The following MAST4 variants were observed in gnomAD, a reference collection of about 807,000 sequenced individuals.
MAST4 encodes the protein microtubule-associated serine/threonine-protein kinase 4.
A neutral mutation model predicts 162.7 loss-of-function variants in MAST4; 89 were observed. The observed-to-expected ratio is 0.55, with a 90% CI of 0.46 to 0.65. The LOEUF (loss-of-function observed/expected upper bound fraction) is 0.65. MAST4 is among the 30% of genes least tolerant of loss of function. The probability of loss-of-function intolerance (pLI) is 0.00; values close to 1 mark genes in which losing one functional copy is unlikely to be tolerated. For missense variants in MAST4, 3,153 were observed against 3,374.0 expected (o/e 0.93, Z 1.62); for synonymous variants, 1,479 against 1,361.1 (o/e 1.09, Z -1.91).
At chr5:66,612,317 A>C (rs181862224) in intron 1 of MAST4, among the ~76,000 whole-genome samples, 66 of 152,270 alleles carry the variant, frequency 4.3e-4, no homozygotes, top group Admixed American at 3.3e-3. Flanking sequence ...CCTGGAGAGC[A>C]AGGGTATTAT....
intron 3 of MAST4, among the ~76,000 whole-genome samples, chr5:66,864,880 G>T (rs1320242944): frequency 6.6e-6 from 1 of 152,202 alleles, no homozygotes; most frequent in Non-Finnish European, 1.5e-5. Context: ...AGCAGCCTTA[G>T]CAAACTGACA....
At chr5:66,661,311 G>C (rs1331380323) in intron 1 of MAST4, among the ~76,000 whole-genome samples, 1 of 152,120 alleles carries the variant, frequency 6.6e-6, no homozygotes, top group Admixed American at 6.5e-5. Context: ...TCAGATGATT[G>C]CTCCAATTCT....
In MAST4 at chr5:67,163,777, A is replaced by C. The variant is rs755110965; in HGVS notation, c.4598A>C (p.Lys1533Thr). ...SVDDLDRDKLKAKVVVKKADG... is the reference protein window; with the variant it reads ...SVDDLDRDKLTAKVVVKKADG... ...GACGACCTGGACCGCGACAAGCTGAAGGCCAAGGTGGTGGTGAAGAAAGCA... is the reference window on the plus strand; with the variant it reads ...GACGACCTGGACCGCGACAAGCTGACGGCCAAGGTGGTGGTGAAGAAAGCA... Residue 1533 changes from lysine to threonine, a missense_variant, in exon 29 of 29, where the codon AAG becomes ACG. Coordinates refer to ENST00000403625, the MANE Select transcript of MAST4 (RefSeq NM_001164664.2). This position sits in a 1 kb window ranked among gnomAD's most constrained non-coding sequence, Gnocchi z 7.0. The C allele has an allele frequency of 2.5e-6, 4 of 1,611,338 alleles. No homozygotes were observed. In the South Asian group the frequency reaches 4.4e-5, roughly 18 times the overall value.
intron 19 of MAST4, among the ~76,000 whole-genome samples, chr5:67,141,903 A>G (rs1294535565): frequency 2.0e-5 from 3 of 152,258 alleles, no homozygotes; most frequent in Non-Finnish European, 2.9e-5. Flanking sequence ...AAACAGTGCC[A>G]TAGCAACTGC....
At chr5:66,802,556 TGGG>T (rs1755974405) in intron 3 of MAST4, among the ~76,000 whole-genome samples, 1 of 152,214 alleles carries the variant, frequency 6.6e-6, no homozygotes, top group African/African-American at 2.4e-5. Context: ...CTTAATGACT[TGGG>T]GGCCATATCT....
At chr5:66,926,921 G>T (rs145275583) in intron 4 of MAST4, among the ~76,000 whole-genome samples, 14 of 152,264 alleles carry the variant, frequency 9.2e-5, no homozygotes, top group Admixed American at 3.3e-4. Context: ...GAGGGAAACT[G>T]AGATCAGAGA....
intron 5 of MAST4, among the ~76,000 whole-genome samples, chr5:67,055,934 A>G (rs996682262): frequency 8.6e-5 from 13 of 151,898 alleles, no homozygotes; most frequent in African/African-American, 3.1e-4. Context: ...AAAGCGAGTC[A>G]CAAAAGAATA....
intron 4 of MAST4, among the ~76,000 whole-genome samples, chr5:67,008,448 C>A (rs1003550406): frequency 1.8e-4 from 27 of 152,212 alleles, no homozygotes; most frequent in Admixed American, 2.0e-4. Flanking sequence ...TATATCTGCT[C>A]TCTGTCACAC....
chr5:66,946,992 C>T (rs1744104921), intron 4 of MAST4, among the ~76,000 whole-genome samples: 1 of 151,960 alleles, frequency 6.6e-6, no homozygotes. Flanking sequence ...ACCTTAGTGC[C>T]CCCTAATGAG....
chr5:66,596,955 C>G lies in MAST4; in HGVS notation c.300C>G (p.Pro100=). The G allele has an allele frequency of 7.0e-7, 1 of 1,419,336 alleles. No individual in the cohort carries two copies. Among genetic ancestry groups the G allele is most frequent in the Non-Finnish European group, 9.2e-7 (1 of 1,090,214 alleles). The allele number at this position is 1,419,336 out of a possible 1,614,324, so 87.9% of individuals were successfully genotyped here. Residue 100 remains proline (P), a synonymous_variant, in exon 1 of 29, where the codon CCC becomes CCG. Transcript: ENST00000403625. ...TCCTTGCGCTGCCGCCGCCGCTTCC[C>G]GGAGGAGCTGTGCCGCCCGCGCCCC... is the stretch of plus-strand genomic sequence containing the variant. ...RGVLALPPPL[P]GGAVPPAPRG...
chr5:67,101,429 CCTGCAGGGA>C (rs1208788823), intron 8 of MAST4, among the ~76,000 whole-genome samples: 1 of 152,158 alleles, frequency 6.6e-6, no homozygotes, highest in Non-Finnish European at 1.5e-5. Flanking sequence ...TGATGCCATC[CCTGCAGGGA>C]CTGGCAGCTG....
intron 4 of MAST4, among the ~76,000 whole-genome samples, chr5:66,955,461 A>G (rs891051604): frequency 6.6e-6 from 1 of 152,146 alleles, no homozygotes; most frequent in African/African-American, 2.4e-5. Flanking sequence ...AACATACCAT[A>G]TGGAGCTTTA....
intron 3 of MAST4, among the ~76,000 whole-genome samples, chr5:66,872,175 G>T (rs1447933254): frequency 7.0e-6 from 1 of 143,220 alleles, no homozygotes; most frequent in African/African-American, 2.5e-5. Context: ...TTGTTTGTTT[G>T]TTTGTTTGTT....
intron 4 of MAST4, among the ~76,000 whole-genome samples, chr5:67,022,982 T>C (rs1419076360): frequency 6.6e-6 from 1 of 152,130 alleles, no homozygotes; most frequent in East Asian, 1.9e-4. Flanking sequence ...TGCAAGCATG[T>C]AATTGATGAA....
intron 6 of MAST4, among the ~76,000 whole-genome samples, chr5:67,091,053 T>C (rs985088930): frequency 1.3e-5 from 2 of 151,948 alleles, no homozygotes; most frequent in Non-Finnish European, 2.9e-5. Context: ...GTCCTAGATA[T>C]TTGTTCAGTT....
intron 3 of MAST4, among the ~76,000 whole-genome samples, chr5:66,810,829 T>G (rs1322899484): frequency 6.6e-6 from 1 of 152,184 alleles, no homozygotes; most frequent in Non-Finnish European, 1.5e-5. Context: ...TTTTGATCCA[T>G]ACTTGTGGCT....
chr5:66,713,136 T>C (rs1750601967), intron 1 of MAST4, among the ~76,000 whole-genome samples: 1 of 152,242 alleles, frequency 6.6e-6, no homozygotes. Context: ...TTTTGGTCTT[T>C]GTTTTTTTGT....
chr5:67,053,449 G>A (rs1758424486), intron 4 of MAST4, among the ~76,000 whole-genome samples: 1 of 152,136 alleles, frequency 6.6e-6, no homozygotes, highest in South Asian at 2.1e-4. Flanking sequence ...CAGTGTAGGA[G>A]GATAGAAGCA....
chr5:66,693,783 TAG>T (rs1749214935), intron 1 of MAST4, among the ~76,000 whole-genome samples: 4 of 66,704 alleles, frequency 6.0e-5, no homozygotes. Context: ...GGGGTGCCTT[TAG>T]AGAGCAAAAA....
Sources: gnomAD v4.1 joint callset for allele counts (sites outside exome capture counted in the v4.1 genomes callset) on GRCh38, gnomAD v4.1.1 for gene constraint, Gnocchi (gnomAD v3.1) non-coding constraint, MANE v1.5 for transcripts, NCBI Gene and HGNC (gene_info 2026-07-23, HGNC 2026-07-21) for gene names.